Variants in ANO2 observed in about 807,000 individuals in gnomAD.
ANO2 encodes the protein anoctamin 2.
A neutral mutation model predicts 124.2 loss-of-function variants in ANO2; 101 were observed. That is an observed-to-expected ratio of 0.81 (90% CI 0.69 to 0.96). The LOEUF is 0.96. ANO2 is among the 40% of genes least tolerant of loss of function. The pLI, the probability that ANO2 is intolerant of heterozygous loss-of-function variation, is 0.00. For missense variants in ANO2, 1,293 were observed against 1,274.5 expected, an observed-to-expected ratio of 1.01 and a Z score of -0.22; for synonymous variants, 486 against 482.5, an observed-to-expected ratio of 1.01 and a Z score of -0.09.
At chr12:5,688,544 T>C (rs1382025610) in intron 14 of ANO2, among the ~76,000 whole-genome samples, 1 of 152,214 alleles carries the variant, frequency 6.6e-6, no homozygotes, top group Non-Finnish European at 1.5e-5. Context: ...TGACTAATCC[T>C]ATCTGCATCT....
Position 5,865,047 on chromosome 12 carries a change from C to G in ANO2, c.535-10906G>C, listed in dbSNP as rs192321191. 1.8e-4 allele frequency among the ~76,000 whole-genome samples: 27 copies of G among 152,274 alleles called. No homozygotes were observed. In the East Asian group the frequency reaches 4.2e-3, roughly 24 times the overall value. On this transcript the variant is annotated intron_variant, in intron 3 of 24. Coordinates refer to ENST00000682330, the MANE Select transcript of ANO2 (RefSeq NM_001364791.2). The stretch of plus-strand genomic sequence containing the variant: ...TTGATTTTGCTACTTTTCTTCCAAC[C>G]TCAAGACACCTCCCTAAACCCTTTA...
chr12:5,827,282 C>G (rs1021493446), intron 7 of ANO2, among the ~76,000 whole-genome samples: 6 of 152,166 alleles, frequency 3.9e-5, no homozygotes, highest in African/African-American at 1.2e-4. Context: ...GAGAAGAATG[C>G]TGAAGTTAGA....
intron 3 of ANO2, among the ~76,000 whole-genome samples, chr12:5,917,427 T>C (rs760572947): frequency 3.3e-5 from 5 of 152,208 alleles, no homozygotes; most frequent in Non-Finnish European, 7.3e-5. Context: ...CATTTTTGTT[T>C]GCTAAACCTG....
intron 10 of ANO2, among the ~76,000 whole-genome samples, chr12:5,758,314 T>C (rs1951640138): frequency 6.6e-6 from 1 of 152,170 alleles, no homozygotes; most frequent in Non-Finnish European, 1.5e-5. Context: ...AGTTTAATTG[T>C]GAGGGGCAGA....
chr12:5,751,053 G>A (rs1951422592), intron 10 of ANO2, 83 bp from the exon 11 acceptor site: 1 of 1,368,144 alleles, frequency 7.3e-7, no homozygotes, highest in South Asian at 1.5e-5. Flanking sequence ...ATGCCTAAGG[G>A]TGGGTCAACA....
At position 5,945,193 on chromosome 12, in the gene ANO2, C is replaced by T. The variant is rs1388549103; in HGVS notation, c.22+3G>A. On this transcript the variant is annotated splice_donor_region_variant and intron_variant, in intron 1 of 24. Transcript: ENST00000682330. ...CAGGACCAGGTCCAGCCGGAAAACT[C>T]ACCGCGCGGCCCGGGAGTCGCCATG... is the stretch of plus-strand genomic sequence containing the variant. 1.6e-5 allele frequency: 21 copies of T among 1,288,840 alleles called. No homozygotes were observed. Among genetic ancestry groups the T allele is most frequent in the Non-Finnish European group, 2.1e-5 (21 of 988,292 alleles). 79.8% of individuals were successfully genotyped at this position (1,288,840 alleles called of 1,614,324 possible).
intron 1 of ANO2, among the ~76,000 whole-genome samples, chr12:5,939,470 T>A (rs1331776438): frequency 6.6e-6 from 1 of 152,138 alleles, no homozygotes; most frequent in Non-Finnish European, 1.5e-5. Flanking sequence ...CCTTTGAGTA[T>A]CTCTCCCCAC....
At chr12:5,869,954 A>G (rs1467040405) in intron 3 of ANO2, among the ~76,000 whole-genome samples, 1 of 152,182 alleles carries the variant, frequency 6.6e-6, no homozygotes, top group Non-Finnish European at 1.5e-5. Context: ...CCACTGTGAA[A>G]TCAAGCTCCT....
intron 3 of ANO2, among the ~76,000 whole-genome samples, chr12:5,874,447 G>C (rs547069040): frequency 3.9e-5 from 6 of 152,296 alleles, no homozygotes; most frequent in African/African-American, 4.8e-5. Flanking sequence ...AGAGCTGCAG[G>C]CTTCTTTGGT....
intron 3 of ANO2, among the ~76,000 whole-genome samples, chr12:5,865,692 C>G (rs1218104657): frequency 1.3e-5 from 2 of 151,616 alleles, no homozygotes; most frequent in African/African-American, 4.9e-5. Context: ...CATGCCACCA[C>G]AGCATTATGC....
intron 1 of ANO2, among the ~76,000 whole-genome samples, chr12:5,942,347 G>A (rs1210641975): frequency 6.6e-6 from 1 of 152,106 alleles, no homozygotes; most frequent in Non-Finnish European, 1.5e-5. Flanking sequence ...TATGATAAAT[G>A]CCCACGTGAT....
At chr12:5,589,832 G>A (rs925812285) in intron 20 of ANO2, among the ~76,000 whole-genome samples, 7 of 152,060 alleles carry the variant, frequency 4.6e-5, no homozygotes, top group Admixed American at 1.3e-4. Context: ...GGGTGCGGAG[G>A]ATTCACTTTC....
chr12:5,912,055 A>G (rs921632721), intron 3 of ANO2, among the ~76,000 whole-genome samples: 3 of 152,226 alleles, frequency 2.0e-5, no homozygotes, highest in African/African-American at 7.2e-5. Context: ...ATCAAAGCCC[A>G]GAAACCTCCT....
intron 14 of ANO2, among the ~76,000 whole-genome samples, chr12:5,693,650 C>A (rs903247826): frequency 2.6e-5 from 4 of 152,126 alleles, no homozygotes; most frequent in Non-Finnish European, 5.9e-5. Flanking sequence ...ATCCAGAGAC[C>A]CCCTCAATAC....
chr12:5,764,699 C>A (rs558087810), intron 10 of ANO2, among the ~76,000 whole-genome samples: 1 of 152,210 alleles, frequency 6.6e-6, no homozygotes, highest in African/African-American at 2.4e-5. Context: ...GCCCCCAGCC[C>A]CGCCCTCCCC....
intron 14 of ANO2, among the ~76,000 whole-genome samples, chr12:5,716,506 T>A (rs1481197719): frequency 1.3e-5 from 2 of 152,152 alleles, no homozygotes; most frequent in African/African-American, 2.4e-5. Flanking sequence ...TCATTCATGT[T>A]TATAGATAAG....
chr12:5,651,562 A>C (rs542193870), intron 14 of ANO2, among the ~76,000 whole-genome samples: 9 of 152,190 alleles, frequency 5.9e-5, no homozygotes, highest in Non-Finnish European at 1.3e-4. Context: ...CTGAAATTAC[A>C]GGCATAGGAC....
chr12:5,713,917 T>C (rs1949914463), intron 14 of ANO2, among the ~76,000 whole-genome samples: 1 of 152,170 alleles, frequency 6.6e-6, no homozygotes, highest in Admixed American at 6.5e-5. Context: ...GTGATCCACC[T>C]CAGGCCCTCC....
intron 10 of ANO2, among the ~76,000 whole-genome samples, chr12:5,753,071 G>A (rs1287581913): frequency 6.6e-6 from 1 of 152,140 alleles, no homozygotes; most frequent in African/African-American, 2.4e-5. Context: ...CAATTTAGAA[G>A]TTTATTTTGC....
Sources: gnomAD v4.1 joint callset for allele counts (sites outside exome capture counted in the v4.1 genomes callset) on GRCh38, gnomAD v4.1.1 for gene constraint, MANE v1.5 for transcripts, NCBI Gene and HGNC (gene_info 2026-07-23, HGNC 2026-07-21) for gene names.